LHFPL6: variants seen among roughly 807,000 people sequenced by gnomAD.
LHFPL6 encodes the protein LHFPL tetraspan subfamily member 6 protein.
Under a neutral mutation model 20.6 loss-of-function variants are expected in LHFPL6, and 9 were observed. That is an observed-to-expected ratio of 0.44 (90% CI 0.26 to 0.76). The LOEUF (loss-of-function observed/expected upper bound fraction) is 0.76, where lower values mean the gene tolerates loss of function less well. Ranked by LOEUF, LHFPL6 falls within the 30% of genes least tolerant of loss-of-function variation. LHFPL6 has a pLI of 0.20. For missense variants in LHFPL6, 218 were observed against 253.5 expected (o/e 0.86, Z 0.95); for synonymous variants, 105 against 98.7 (o/e 1.06, Z -0.38).
intron 2 of LHFPL6, among the ~76,000 whole-genome samples, chr13:39,382,421 T>G (rs1044286190): frequency 2.0e-5 from 3 of 152,178 alleles, no homozygotes; most frequent in African/African-American, 7.2e-5. Context: ...TTTTGTTTTT[T>G]TGAGATGGAG....
chr13:39,593,124 C>T (rs1226643470), intron 2 of LHFPL6, among the ~76,000 whole-genome samples: 1 of 151,988 alleles, frequency 6.6e-6, no homozygotes, highest in African/African-American at 2.4e-5. Flanking sequence ...CTGGCCAGGA[C>T]AATCAGGCAG....
At chr13:39,350,199 CAT>C (rs774583271) in intron 3 of LHFPL6, among the ~76,000 whole-genome samples, 34 of 152,296 alleles carry the variant, frequency 2.2e-4, no homozygotes, top group African/African-American at 5.3e-4. Context: ...GTATATTACA[CAT>C]GTTTTGTAGA....
At chr13:39,428,834 C>G (rs767068939) in intron 2 of LHFPL6, among the ~76,000 whole-genome samples, 1 of 152,174 alleles carries the variant, frequency 6.6e-6, no homozygotes, top group African/African-American at 2.4e-5. Context: ...AAATATTGCT[C>G]TAGCAGCATC....
chr13:39,548,136 T>C (rs1413955645), intron 2 of LHFPL6, among the ~76,000 whole-genome samples: 6 of 152,102 alleles, frequency 3.9e-5, no homozygotes, highest in Non-Finnish European at 8.8e-5. Context: ...AATACATATA[T>C]GTAATAAAAC....
chr13:39,453,232 A>G (rs1445106128), intron 2 of LHFPL6, among the ~76,000 whole-genome samples: 1 of 152,226 alleles, frequency 6.6e-6, no homozygotes, highest in Admixed American at 6.5e-5. Context: ...CATGGCAGTT[A>G]CGGCTGAAAA....
chr13:39,506,018 T>C (rs1869465848), intron 2 of LHFPL6, among the ~76,000 whole-genome samples: 1 of 152,194 alleles, frequency 6.6e-6, no homozygotes, highest in Admixed American at 6.5e-5. Flanking sequence ...AGATAAAGCC[T>C]GCATTCAAAA....
At chr13:39,577,264 C>T (rs1017343794) in intron 2 of LHFPL6, among the ~76,000 whole-genome samples, 11 of 152,272 alleles carry the variant, frequency 7.2e-5, no homozygotes, top group Admixed American at 7.2e-4. Context: ...TCTTCCAGAG[C>T]ACCCCCGCCT....
chr13:39,484,382 C>T (rs1464433688), intron 2 of LHFPL6, among the ~76,000 whole-genome samples: 1 of 152,068 alleles, frequency 6.6e-6, no homozygotes, highest in Non-Finnish European at 1.5e-5. Context: ...CTTTAGTTTG[C>T]TGCTGTTGTT....
chr13:39,366,244 C>G (rs892913494), intron 3 of LHFPL6, among the ~76,000 whole-genome samples: 3 of 152,202 alleles, frequency 2.0e-5, no homozygotes, highest in Non-Finnish European at 4.4e-5. Flanking sequence ...GGGAGTGTCT[C>G]TAACTACTTA....
intron 2 of LHFPL6, among the ~76,000 whole-genome samples, chr13:39,521,448 G>A (rs1471313243): frequency 6.6e-6 from 1 of 152,168 alleles, no homozygotes; most frequent in Non-Finnish European, 1.5e-5. Flanking sequence ...GAGATTAGTG[G>A]TTTAAGATTA....
At chr13:39,554,736 C>G (rs9576853) in intron 2 of LHFPL6, among the ~76,000 whole-genome samples, 1 of 152,160 alleles carries the variant, frequency 6.6e-6, no homozygotes, top group Non-Finnish European at 1.5e-5. Context: ...TGTGTCCCCC[C>G]AGCCATTCAC....
At chr13:39,461,116 G>A (rs1332935374) in intron 2 of LHFPL6, among the ~76,000 whole-genome samples, 2 of 152,076 alleles carry the variant, frequency 1.3e-5, no homozygotes, top group East Asian at 1.9e-4. Context: ...GCATTAATTC[G>A]CTTAGGATGA....
At chr13:39,357,420 C>A (rs1869754985) in intron 3 of LHFPL6, among the ~76,000 whole-genome samples, 1 of 152,198 alleles carries the variant, frequency 6.6e-6, no homozygotes, top group Non-Finnish European at 1.5e-5. Context: ...TAGAAGCATT[C>A]CCCTTGAGAA....
intron 3 of LHFPL6, among the ~76,000 whole-genome samples, chr13:39,356,732 A>C (rs1056233047): frequency 6.6e-6 from 1 of 152,250 alleles, no homozygotes; most frequent in South Asian, 2.1e-4. Flanking sequence ...AACTATTATG[A>C]ACATCTCCAT....
chr13:39,439,194 G>A (rs1872049308), intron 2 of LHFPL6, among the ~76,000 whole-genome samples: 1 of 152,250 alleles, frequency 6.6e-6, no homozygotes, highest in African/African-American at 2.4e-5. Context: ...GCACCAGTGT[G>A]CCCTGGATGT....
At chr13:39,353,742 G>A (rs879258366) in intron 3 of LHFPL6, among the ~76,000 whole-genome samples, 4 of 152,092 alleles carry the variant, frequency 2.6e-5, no homozygotes, top group Admixed American at 2.6e-4. Context: ...AAAAACTCCT[G>A]TTTCTTTATG....
chr13:39,397,811 G>T (rs189340076), intron 2 of LHFPL6, among the ~76,000 whole-genome samples: 3 of 152,114 alleles, frequency 2.0e-5, no homozygotes, highest in Admixed American at 6.5e-5. Context: ...TGTTGGAAAG[G>T]GGGGGTTACT....
chr13:39,442,327 T>C (rs1287553951), intron 2 of LHFPL6, among the ~76,000 whole-genome samples: 2 of 152,240 alleles, frequency 1.3e-5, no homozygotes, highest in Admixed American at 1.3e-4. Context: ...TAAGAGATGA[T>C]GTGTAAGTTT....
intron 2 of LHFPL6, among the ~76,000 whole-genome samples, chr13:39,437,414 A>G (rs1301083988): frequency 6.6e-6 from 1 of 150,998 alleles, no homozygotes; most frequent in Non-Finnish European, 1.5e-5. Flanking sequence ...GCACCTCCCC[A>G]CTCCCTCTTT....
Sources: allele counts gnomAD v4.1 joint callset (sites outside exome capture counted in the v4.1 genomes callset), GRCh38; gene constraint gnomAD v4.1.1; transcripts MANE v1.5; gene names NCBI Gene and HGNC (gene_info 2026-07-23, HGNC 2026-07-21).